Variants in CTNND2 observed in about 807,000 individuals in gnomAD.
CTNND2 encodes catenin delta-2.
CTNND2 carries 22 observed loss-of-function variants against 144.4 expected under a neutral mutation model. The ratio of observed to expected loss-of-function variants is 0.15; its 90% CI spans 0.11 to 0.22. The LOEUF (loss-of-function observed/expected upper bound fraction) is 0.22, where lower values mean the gene tolerates loss of function less well. Among genes scored for constraint, CTNND2 ranks in the 10% least tolerant of loss-of-function variants. The pLI, the probability that CTNND2 is intolerant of heterozygous loss-of-function variation, is 1.00. For missense variants in CTNND2, 1,353 were observed against 1,618.8 expected (o/e 0.84, Z 2.82); for synonymous variants, 751 against 695.6 (o/e 1.08, Z -1.25).
At chr5:11,656,008 A>T (rs1782895505) in intron 2 of CTNND2, among the ~76,000 whole-genome samples, 1 of 67,144 alleles carries the variant, frequency 1.5e-5, no homozygotes, top group Admixed American at 1.1e-4. Context: ...TGATTCAGTA[A>T]AAAAAAAAAT....
intron 1 of CTNND2, among the ~76,000 whole-genome samples, chr5:11,834,829 T>C (rs921986344): frequency 1.3e-5 from 2 of 152,116 alleles, no homozygotes; most frequent in Non-Finnish European, 2.9e-5. Flanking sequence ...ATAGAAAACA[T>C]AGGACTAAAG....
At chr5:11,851,365 G>C (rs1795005748) in intron 1 of CTNND2, among the ~76,000 whole-genome samples, 1 of 152,052 alleles carries the variant, frequency 6.6e-6, no homozygotes, top group African/African-American at 2.4e-5. Flanking sequence ...AAAGATCTTG[G>C]CTGAAACTCT....
intron 2 of CTNND2, among the ~76,000 whole-genome samples, chr5:11,641,961 C>T (rs1782088985): frequency 6.6e-6 from 1 of 151,988 alleles, no homozygotes; most frequent in Non-Finnish European, 1.5e-5. Flanking sequence ...GATTCCATTC[C>T]CTTTTCTTTA....
chr5:11,312,688 T>TCCCCATATACCCTCACCCTCACCACC (rs1751113057), intron 9 of CTNND2, among the ~76,000 whole-genome samples: 6 of 151,436 alleles, frequency 4.0e-5, no homozygotes, highest in Non-Finnish European at 7.4e-5. Flanking sequence ...TCACACACAC[T>TCCCCATATACCCTCACCCTCACCACC]CCCCATATAC....
At chr5:11,551,143 G>C (rs1318261564) in intron 3 of CTNND2, among the ~76,000 whole-genome samples, 1 of 152,158 alleles carries the variant, frequency 6.6e-6, no homozygotes, top group Non-Finnish European at 1.5e-5. Flanking sequence ...TGGATGTGCA[G>C]TACGTGGCCT....
chr5:11,872,052 T>C (rs1044370200), intron 1 of CTNND2, among the ~76,000 whole-genome samples: 1 of 143,844 alleles, frequency 7.0e-6, no homozygotes, highest in Non-Finnish European at 1.5e-5. Flanking sequence ...CCCCTCAACA[T>C]GCCCTGGTGT....
Position 11,385,213 on chromosome 5 carries a change from G to C in CTNND2, c.629C>G (p.Ala210Gly). 9.5e-7 allele frequency: 1 copy of C among 1,055,392 alleles called. No individual in the cohort carries two copies. The allele number at this position is 1,055,392 out of a possible 1,614,324, so 65.4% of individuals were successfully genotyped here. Residue 210 changes from alanine to glycine, a missense_variant, in exon 7 of 22, where the codon GCC (alanine) becomes GGC (glycine). By Grantham distance (60) the Ala-to-Gly change is moderately conservative. Transcript: ENST00000304623. The stretch of plus-strand genomic sequence containing the variant: ...GGGCTCGGGCCCCGCCAGGTGGCCG[G>C]CGCGGCTGGTCGTGCCCTGTGCCCG... ...QSFSQGTTSRAGHLAGPEPAP... is the reference protein window; with the variant it reads ...QSFSQGTTSRGGHLAGPEPAP...
In CTNND2 at chr5:11,275,008, G is replaced by A. The variant is rs1220384934; in HGVS notation, c.1629-38185C>T. Among the ~76,000 whole-genome samples the A allele has an allele frequency of 4.6e-5, 7 of 152,054 alleles. No homozygotes were observed. The East Asian group carries it at 5.8e-4, about 13-fold the overall frequency. On this transcript the variant is annotated intron_variant, in intron 9 of 21. Transcript: ENST00000304623. ...TCACCAATGTTACTAACATAATTAC[G>A]GGTATAGAGTTGGTAGGAAGCTGGA... is the stretch of plus-strand genomic sequence containing the variant.
At chr5:11,463,112 C>T (rs565047484) in intron 3 of CTNND2, among the ~76,000 whole-genome samples, 3 of 152,206 alleles carry the variant, frequency 2.0e-5, no homozygotes, top group Non-Finnish European at 4.4e-5. Context: ...TTCAAGTGTA[C>T]TGTAATTATA....
chr5:11,424,529 T>G (rs1020263921), intron 3 of CTNND2, among the ~76,000 whole-genome samples: 1 of 152,016 alleles, frequency 6.6e-6, no homozygotes, highest in Non-Finnish European at 1.5e-5. Context: ...GTTGTAGCAA[T>G]GTTGATTCTG....
intron 3 of CTNND2, among the ~76,000 whole-genome samples, chr5:11,541,114 GC>G (rs1561533097): frequency 2.0e-5 from 3 of 152,144 alleles, no homozygotes; most frequent in Admixed American, 1.3e-4. Flanking sequence ...AGAATATGGA[GC>G]CAGGCACTGC....
chr5:11,593,907 A>C (rs142534419), intron 2 of CTNND2, among the ~76,000 whole-genome samples: 16 of 141,810 alleles, frequency 1.1e-4, no homozygotes, highest in Non-Finnish European at 2.3e-4. Context: ...TAAAATTCAG[A>C]GAGACAGATA....
chr5:11,583,564 A>G (rs1227787660), intron 2 of CTNND2, among the ~76,000 whole-genome samples: 2 of 152,216 alleles, frequency 1.3e-5, no homozygotes, highest in East Asian at 3.9e-4. Context: ...TTTTCACATC[A>G]ATCATACTGA....
chr5:11,649,720 C>T lies in CTNND2; in HGVS notation c.174+82416G>A, dbSNP rs189731612. 2.0e-4 allele frequency among the ~76,000 whole-genome samples: 31 copies of T among 152,132 alleles called. No homozygotes were observed. In the South Asian group the frequency reaches 4.2e-3, roughly 20 times the overall value. ...AATACTGTCTTCTTGTTCAATATTG[C>T]GGTTACTGTTTTATCCAATCATTTA... On this transcript the variant is annotated intron_variant, in intron 2 of 21. Coordinates refer to ENST00000304623, the MANE Select transcript of CTNND2 (RefSeq NM_001332.4).
intron 9 of CTNND2, among the ~76,000 whole-genome samples, chr5:11,295,511 G>A (rs1580823490): frequency 6.6e-6 from 1 of 152,178 alleles, no homozygotes; most frequent in African/African-American, 2.4e-5. Context: ...CCAAAAAAGA[G>A]CCCGCATTGC....
chr5:11,162,432 T>C (rs1037283767), intron 11 of CTNND2, among the ~76,000 whole-genome samples: 1 of 152,168 alleles, frequency 6.6e-6, no homozygotes, highest in African/African-American at 2.4e-5. Flanking sequence ...TTTCCTTAAT[T>C]AGTTAATTAG....
intron 1 of CTNND2, among the ~76,000 whole-genome samples, chr5:11,829,740 T>C (rs1441240403): frequency 6.6e-6 from 1 of 152,180 alleles, no homozygotes; most frequent in African/African-American, 2.4e-5. Context: ...ACAGAGTCCC[T>C]ACTGAGGCAC....
chr5:11,768,802 G>A (rs1313937351), intron 1 of CTNND2, among the ~76,000 whole-genome samples: 1 of 152,142 alleles, frequency 6.6e-6, no homozygotes, highest in Non-Finnish European at 1.5e-5. Flanking sequence ...CTCCCTAAGG[G>A]TCCTGATGCC....
At chr5:11,799,686 A>T (rs7714215) in intron 1 of CTNND2, among the ~76,000 whole-genome samples, 147,697 of 152,186 alleles carry the variant, frequency 0.97, 71,801 homozygotes, top group East Asian at 1. Context: ...AAGAGGGAGA[A>T]GTTTAATATT....
Sources: allele counts gnomAD v4.1 joint callset (sites outside exome capture counted in the v4.1 genomes callset), GRCh38; gene constraint gnomAD v4.1.1; transcripts MANE v1.5; gene names NCBI Gene and HGNC (gene_info 2026-07-23, HGNC 2026-07-21).